Variants in CEP85L observed in about 807,000 individuals in gnomAD.
CEP85L encodes the protein centrosomal protein 85L.
Under a neutral mutation model 100.3 loss-of-function variants are expected in CEP85L, and 60 were observed. The ratio of observed to expected loss-of-function variants is 0.60; its 90% CI spans 0.49 to 0.74. The LOEUF (loss-of-function observed/expected upper bound fraction) is 0.74, where lower values mean the gene tolerates loss of function less well. Ranked by LOEUF, CEP85L falls within the 30% of genes least tolerant of loss-of-function variation. The pLI is 0.00. For missense variants in CEP85L, 973 were observed against 936.2 expected (o/e 1.04, Z -0.51); for synonymous variants, 319 against 322.7 (o/e 0.99, Z 0.12).
At chr6:118,678,827 G>A (rs934066128) in intron 1 of CEP85L, among the ~76,000 whole-genome samples, 2 of 152,216 alleles carry the variant, frequency 1.3e-5, no homozygotes, top group African/African-American at 4.8e-5. Context: ...AGCTACTTGG[G>A]AGGCTGAGCC....
chr6:118,512,519 G>C (rs1395588558), intron 4 of CEP85L, among the ~76,000 whole-genome samples: 2 of 152,118 alleles, frequency 1.3e-5, no homozygotes, highest in African/African-American at 4.8e-5. Flanking sequence ...GCAACATCCA[G>C]AGACATTTTC....
At chr6:118,589,718 AC>A in intron 2 of CEP85L, 1 of 251,682 alleles carries the variant, frequency 4.0e-6, no homozygotes, top group Non-Finnish European at 7.8e-6. Flanking sequence ...ATGGCTGCGA[AC>A]CCCTCATCAT....
Position 118,565,718 on chromosome 6 carries a change from A to G in CEP85L, c.831T>C (p.Tyr277=), listed in dbSNP as rs1301351477. 1 of 1,614,190 alleles carries G rather than the reference A, an allele frequency of 6.2e-7. No individual in the cohort carries two copies. The highest frequency in any genetic ancestry group is 2.2e-5 in the East Asian group (1 of 44,888). The part of the protein sequence containing the change: ...TSSEAFEPPK[Y]LMLGQQAVGG... ...CTACTGCCTGTTGACCAAGCATTAAATATTTTGGAGGTTCAAAAGCCTCTG... is the reference window on the plus strand; with the variant it reads ...CTACTGCCTGTTGACCAAGCATTAAGTATTTTGGAGGTTCAAAAGCCTCTG... Residue 277 remains tyrosine, a synonymous_variant, in exon 3 of 13, where the codon TAT becomes TAC. Coordinates refer to ENST00000368491, the MANE Select transcript of CEP85L (RefSeq NM_001042475.3).
At chr6:118,551,702 T>C (rs1331661130) in intron 3 of CEP85L, among the ~76,000 whole-genome samples, 3 of 152,028 alleles carry the variant, frequency 2.0e-5, no homozygotes, top group Non-Finnish European at 2.9e-5. Flanking sequence ...AATGAGAATA[T>C]ATTGATTTTT....
upstream of CEP85L, chr6:118,652,625 G>A: frequency 6.6e-7 from 1 of 1,521,298 alleles, no homozygotes; most frequent in Admixed American, 2.0e-5. Context: ...TTCCCTTAAA[G>A]ACATTTTAAT....
At position 118,558,950 on chromosome 6, in the gene CEP85L, C is replaced by T. The variant is rs1554219846; in HGVS notation, c.1020+6579G>A. On this transcript the variant is annotated intron_variant, in intron 3 of 12. Coordinates refer to ENST00000368491, the MANE Select transcript of CEP85L (RefSeq NM_001042475.3). ...GAGAAAGTCCAATACCTCACTCGCT[C>T]AGCTATAAGAAGAGCCTCAACCATT... 6.2e-7 allele frequency: 1 copy of T among 1,613,808 alleles called. No homozygotes were observed. Among genetic ancestry groups the T allele is most frequent in the East Asian group, 2.2e-5 (1 of 44,872 alleles).
chr6:118,655,484 G>C (rs1165207773), upstream of CEP85L, among the ~76,000 whole-genome samples: 1 of 152,184 alleles, frequency 6.6e-6, no homozygotes, highest in Non-Finnish European at 1.5e-5. Context: ...AAAGAGACAA[G>C]ATCATTTACT....
chr6:118,470,704 A>G (rs1364684621), intron 10 of CEP85L, 60 bp from the exon 11 acceptor site: 3 of 938,050 alleles, frequency 3.2e-6, no homozygotes, highest in Middle Eastern at 2.7e-4. Flanking sequence ...AAAATCTCAA[A>G]CAGAAAGAAG....
chr6:118,625,070 C>T (rs554907976), intron 2 of CEP85L, among the ~76,000 whole-genome samples: 9 of 152,364 alleles, frequency 5.9e-5, no homozygotes, highest in African/African-American at 2.2e-4. Flanking sequence ...CACCTCAGTC[C>T]TAAACACCAC....
At chr6:118,609,976 A>G (rs920084087) in intron 2 of CEP85L, among the ~76,000 whole-genome samples, 30 of 152,140 alleles carry the variant, frequency 2.0e-4, no homozygotes, top group Non-Finnish European at 1.3e-4. Flanking sequence ...ATTTCTAGGG[A>G]AAAAAATTGA....
intron 2 of CEP85L, among the ~76,000 whole-genome samples, chr6:118,566,890 GT>G (rs542090773): frequency 3.4e-4 from 51 of 152,154 alleles, no homozygotes; most frequent in African/African-American, 1.2e-3. Context: ...TTTAAAATAG[GT>G]TTATATTTAC....
chr6:118,554,429 G>A (rs1395514606), intron 3 of CEP85L, among the ~76,000 whole-genome samples: 3 of 152,194 alleles, frequency 2.0e-5, no homozygotes, highest in Non-Finnish European at 4.4e-5. Context: ...TTATAGATGT[G>A]AGCCACCATG....
intron 1 of CEP85L, among the ~76,000 whole-genome samples, chr6:118,694,844 C>G (rs1329949634): frequency 6.6e-6 from 1 of 152,164 alleles, no homozygotes; most frequent in African/African-American, 2.4e-5. Context: ...CTTATTTCAC[C>G]AGCCATCCCA....
intron 10 of CEP85L, among the ~76,000 whole-genome samples, chr6:118,473,711 GGA>G (rs1474209829): frequency 1.3e-5 from 2 of 152,014 alleles, no homozygotes; most frequent in East Asian, 3.9e-4. Context: ...GATGAGAAAG[GGA>G]GACAGCTTGG....
intron 2 of CEP85L, chr6:118,589,057 T>A (rs73766564): frequency 0.019 from 5,509 of 283,516 alleles, 317 homozygotes; most frequent in African/African-American, 0.12. Flanking sequence ...GAGGTCAGAC[T>A]GCTCCCAATG....
At chr6:118,505,409 CAAAAAAAAAAAAAA>C (rs56893664) in intron 5 of CEP85L, among the ~76,000 whole-genome samples, 25 of 71,824 alleles carry the variant, frequency 3.5e-4, no homozygotes, top group African/African-American at 9.4e-4. Context: ...TCACTGTACT[CAAAAAAAAAAAAAA>C]AAAAAAAAAA....
intron 1 of CEP85L, among the ~76,000 whole-genome samples, chr6:118,679,552 C>G (rs922361593): frequency 6.6e-6 from 1 of 152,160 alleles, no homozygotes. Flanking sequence ...TGTAACTTTG[C>G]CTAACATGTC....
chr6:118,666,445 T>C (rs1776136436), intron 1 of CEP85L, among the ~76,000 whole-genome samples: 1 of 152,238 alleles, frequency 6.6e-6, no homozygotes, highest in Non-Finnish European at 1.5e-5. Flanking sequence ...ATACTTATGC[T>C]CTTTCCACTA....
chr6:118,547,725 T>C (rs914335794), intron 3 of CEP85L, among the ~76,000 whole-genome samples: 3 of 152,126 alleles, frequency 2.0e-5, no homozygotes, highest in African/African-American at 7.2e-5. Flanking sequence ...TCTTTAACTG[T>C]AAGATAAAAA....
Sources: allele counts gnomAD v4.1 joint callset (sites outside exome capture counted in the v4.1 genomes callset), GRCh38; gene constraint gnomAD v4.1.1; transcripts MANE v1.5; gene names NCBI Gene and HGNC (gene_info 2026-07-23, HGNC 2026-07-21).